The following ATG9A variants were observed in gnomAD, a reference collection of about 807,000 sequenced individuals.
ATG9A encodes autophagy-related protein 9A.
A neutral mutation model predicts 87.1 loss-of-function variants in ATG9A; 21 were observed. The observed-to-expected ratio is 0.24, with a 90% CI of 0.17 to 0.35. The LOEUF is 0.35. ATG9A is among the 10% of genes least tolerant of loss of function. The pLI is 1.00. For synonymous variants in ATG9A, 422 were observed against 441.3 expected, an observed-to-expected ratio of 0.96 and a Z score of 0.55; for missense variants, 836 against 1,107.3, an observed-to-expected ratio of 0.76 and a Z score of 3.48.
At chr2:219,220,715 T>C (rs1267511913) in intron 15 of ATG9A, 32 bp downstream of exon 15, 7 of 1,604,550 alleles carry the variant, frequency 4.4e-6, no homozygotes, top group Non-Finnish European at 5.1e-6. Context: ...TTACTATTTC[T>C]GGCAGTTTTT....
rs769617716 is a variant in ATG9A, at chr2:219,224,278, T to C, written c.1093A>G (p.Met365Val). Reference sequence around the variant, plus strand: ...AAAAGAGGTGACAAGAAGCAATTCATGTACTTGGAGGCGGGCTTGTAGCCA... The same window carrying C: ...AAAAGAGGTGACAAGAAGCAATTCACGTACTTGGAGGCGGGCTTGTAGCCA... ...NRGYKPASKY[M>V]NCFLSPLLTL... The change falls in exon 8 of 16, where the codon ATG (methionine) becomes GTG (valine). Residue 365 changes from methionine to valine, a missense_variant. By Grantham distance (21) the Met-to-Val change is conservative (BLOSUM62 1). Transcript: ENST00000361242. The surrounding 1 kb of genome is among the most constrained non-coding windows in gnomAD (Gnocchi z 7.7). The C allele has an allele frequency of 1.9e-6, 3 of 1,613,902 alleles. No individual in the cohort carries two copies. Among genetic ancestry groups the C allele is most frequent in the Non-Finnish European group, 2.5e-6 (3 of 1,180,048 alleles).
chr2:219,227,581 C>T (rs2106446163), intron 4 of ATG9A, among the ~76,000 whole-genome samples, 189 bp downstream of exon 4: 1 of 152,276 alleles, frequency 6.6e-6, no homozygotes, highest in Non-Finnish European at 1.5e-5. Flanking sequence ...TGGACACAGG[C>T]ACACAGATCT....
At chr2:219,228,096 T>TGCTGCCCATGG in intron 2 of ATG9A, 43 bp from the exon 3 acceptor site, 1 of 1,409,844 alleles carries the variant, frequency 7.1e-7, no homozygotes, top group Non-Finnish European at 9.9e-7. Flanking sequence ...CAGTTCCAGC[T>TGCTGCCCATGG]GCTGCCCATG....
Position 219,222,133 on chromosome 2 carries a change from C to G in ATG9A, c.2062G>C (p.Val688Leu). 6.2e-7 allele frequency: 1 copy of G among 1,614,036 alleles called. No homozygotes were observed. The highest frequency in any genetic ancestry group is 8.5e-7 in the Non-Finnish European group (1 of 1,180,028). ...AGGCTCTGCAGCTGTCCTTCCCACA[C>G]GCTGCTCCCGGAGCTGGCTGTCCTG... ...DARTASSGSSVWEGQLQSLVL... is the reference protein window; with the variant it reads ...DARTASSGSSLWEGQLQSLVL... Residue 688 changes from valine to leucine, a missense_variant, in exon 13 of 16, where the codon GTG (valine) becomes CTG (leucine). Val to Leu is a conservative substitution (Grantham distance 32, BLOSUM62 1). Around this residue, in one of 2 missense-constraint regions of ATG9A, gnomAD observed 324 missense variants for 347.6 expected, o/e 0.93. Transcript: ENST00000361242. The surrounding 1 kb of genome is among the most constrained non-coding windows in gnomAD (Gnocchi z 4.3).
Position 219,227,388 on chromosome 2 carries a change from G to A in ATG9A, c.147+382C>T, listed in dbSNP as rs895967718. On this transcript the variant is annotated intron_variant, in intron 4 of 15. Transcript: ENST00000361242. Reference sequence around the variant, plus strand: ...AAAAAATAGCTGGGCATCGTGGCAGGTGCCTGTAATCCCAGCTACGTGGGA... The same window carrying A: ...AAAAAATAGCTGGGCATCGTGGCAGATGCCTGTAATCCCAGCTACGTGGGA... Among the ~76,000 whole-genome samples, 3 of 152,234 alleles carry A rather than the reference G, an allele frequency of 2.0e-5. No individual in the cohort carries two copies. The East Asian group carries it at 5.8e-4, about 29-fold the overall frequency.
At chr2:219,227,231 G>C (rs1241601799) in intron 4 of ATG9A, among the ~76,000 whole-genome samples, 1 of 152,212 alleles carries the variant, frequency 6.6e-6, no homozygotes, top group Non-Finnish European at 1.5e-5. Flanking sequence ...TCAAAAAGGA[G>C]GCTCGGCTGG....
At chr2:219,228,310 C>T (rs1430110054) in intron 2 of ATG9A, 124 bp downstream of exon 2, 2 of 423,638 alleles carry the variant, frequency 4.7e-6, no homozygotes, top group African/African-American at 4.0e-5. Flanking sequence ...GGGGCTGTTT[C>T]ATCTTCTATT....
Position 219,220,828 on chromosome 2 carries a change from T to C in ATG9A, c.2433A>G (p.Glu811=). Reference sequence around the variant, plus strand: ...GGTGCCTTGATGCCGACTGCCCATCTTCTGCCCACCCTCCAAGAGGCAGCC... The same window carrying C: ...GGTGCCTTGATGCCGACTGCCCATCCTCTGCCCACCCTCCAAGAGGCAGCC... The part of the protein sequence containing the change: ...FSRLPLGGWA[E]DGQSASRHPE... Residue 811 remains glutamate (E), a synonymous_variant, in exon 15 of 16, where the codon GAA becomes GAG. Transcript: ENST00000361242. 6.2e-7 allele frequency: 1 copy of C among 1,613,480 alleles called. No individual in the cohort carries two copies. Among genetic ancestry groups the C allele is most frequent in the Non-Finnish European group, 8.5e-7 (1 of 1,179,980 alleles).
intron 14 of ATG9A, 61 bp from the exon 15 acceptor site, chr2:219,220,953 C>T: frequency 1.9e-6 from 3 of 1,600,140 alleles, no homozygotes; most frequent in East Asian, 4.5e-5. Flanking sequence ...AGGAACAGGG[C>T]TGGGGGGCTG....
At position 219,222,065 on chromosome 2, in the gene ATG9A, G is replaced by A; in HGVS notation, c.2130C>T (p.Ala710=). 1.2e-6 allele frequency: 2 copies of A among 1,613,816 alleles called. No individual in the cohort carries two copies. The highest frequency in any genetic ancestry group is 1.7e-6 in the Non-Finnish European group (2 of 1,179,910). ...GTGCACTCACCTGGTGCATATAGAG[G>A]GCATGCAGGCTCATCTCTGTGGATG... ...EYASTEMSLH[A]LYMHQLHKQQ... Residue 710 remains alanine (A), a synonymous_variant, in exon 13 of 16, where the codon GCC becomes GCT. Transcript: ENST00000361242. The surrounding 1 kb of genome is among the most constrained non-coding windows in gnomAD (Gnocchi z 4.3).
At chr2:219,221,752 G>T (rs548556672) in intron 13 of ATG9A, among the ~76,000 whole-genome samples, 2 of 152,144 alleles carry the variant, frequency 1.3e-5, no homozygotes, top group East Asian at 1.9e-4. Flanking sequence ...TCAGGAGGGT[G>T]GGCAAGGGAG....
chr2:219,224,209 G>C lies in ATG9A; in HGVS notation c.1162C>G (p.Leu388Val). The C allele has an allele frequency of 6.2e-7, 1 of 1,613,870 alleles. No homozygotes were observed. Among genetic ancestry groups the C allele is most frequent in the Non-Finnish European group, 8.5e-7 (1 of 1,180,046 alleles). The change falls in exon 8 of 16, where the codon CTG becomes GTG. Residue 388 changes from leucine (L) to valine (V), a missense_variant. Leu to Val is a conservative substitution (Grantham distance 32). Transcript: ENST00000361242. The surrounding 1 kb of genome is among the most constrained non-coding windows in gnomAD (Gnocchi z 7.7). ...KNGAFFAGSI[L>V]AVLIALTIYD... ...ATGGTGAGGGCAATAAGCACAGCCA[G>C]GATGGAGCCAGCGAAGAAGGCTCCA...
Position 219,224,164 on chromosome 2 carries a change from C to T in ATG9A, c.1207G>A (p.Ala403Thr). The T allele has an allele frequency of 1.2e-6, 2 of 1,613,734 alleles. No homozygotes were observed. Among genetic ancestry groups the T allele is most frequent in the Non-Finnish European group, 1.7e-6 (2 of 1,180,034 alleles). The stretch of plus-strand genomic sequence containing the variant: ...ACGGTGGTCAGCACATGTTCCACAG[C>T]CAACACATCTTCGTCATAAATGGTG... ...ALTIYDEDVLAVEHVLTTVTL... is the reference protein window; with the variant it reads ...ALTIYDEDVLTVEHVLTTVTL... The change falls in exon 8 of 16, where the codon GCT becomes ACT. Residue 403 changes from alanine (A) to threonine (T), a missense_variant. By Grantham distance (58) the Ala-to-Thr change is moderately conservative. This residue lies in a region of ATG9A where 512 missense variants were observed against 759.6 expected (regional missense o/e 0.67). Coordinates refer to ENST00000361242, the MANE Select transcript of ATG9A (RefSeq NM_001077198.3). This position sits in a 1 kb window ranked among gnomAD's most constrained non-coding sequence, Gnocchi z 7.7.
intron 4 of ATG9A, 138 bp downstream of exon 4, chr2:219,227,632 A>G: frequency 2.0e-6 from 2 of 983,862 alleles, no homozygotes; most frequent in South Asian, 1.5e-5. Context: ...TGATTTCACC[A>G]GCCTCTTTCA....
intron 4 of ATG9A, 35 bp downstream of exon 4, chr2:219,227,735 G>A (rs756020417): frequency 5.6e-6 from 9 of 1,609,982 alleles, no homozygotes. Flanking sequence ...GACATTAAAG[G>A]TCCCAGAGCT....
Position 219,222,276 on chromosome 2 carries a change from A to G in ATG9A, c.2023T>C (p.Ser675Pro). 4.3e-6 allele frequency: 7 copies of G among 1,613,420 alleles called. No individual in the cohort carries two copies. Among genetic ancestry groups the G allele is most frequent in the Non-Finnish European group, 5.9e-6 (7 of 1,180,026 alleles). The change falls in exon 12 of 16, where the codon TCT (serine) becomes CCT (proline). Residue 675 changes from serine (S) to proline (P), a missense_variant. By Grantham distance (74) the Ser-to-Pro change is moderately conservative. Transcript: ENST00000361242. The surrounding 1 kb of genome is among the most constrained non-coding windows in gnomAD (Gnocchi z 4.3). ...TCTTGGCCCCGATTTACTCACCCAG[A>G]GCCTGTCATGGTGCTGTGAGCCCGG... ...TGRAHSTMTG[S>P]GVDARTASSG...
chr2:219,223,588 G>C lies in ATG9A; in HGVS notation c.1596C>G (p.Pro532=). The C allele has an allele frequency of 6.2e-7, 1 of 1,602,704 alleles. No homozygotes were observed. Among genetic ancestry groups the C allele is most frequent in the Non-Finnish European group, 8.5e-7 (1 of 1,173,594 alleles). ...TGGCTCCCTCCTCTCCCAGTACCTG[G>C]GGATGACCATGCTGGCGAACATCCA... The part of the protein sequence containing the change: ...AQMDVRQHGH[P]QWLSAGQTEA... Residue 532 remains proline (P), a synonymous_variant, in exon 10 of 16, where the codon CCC becomes CCG. Coordinates refer to ENST00000361242, the MANE Select transcript of ATG9A (RefSeq NM_001077198.3). This position sits in a 1 kb window ranked among gnomAD's most constrained non-coding sequence, Gnocchi z 4.7.
chr2:219,223,546 C>T lies in ATG9A; in HGVS notation c.1599+39G>A, dbSNP rs369192296. 5.8e-6 allele frequency: 9 copies of T among 1,558,710 alleles called. No individual in the cohort carries two copies. Among genetic ancestry groups the T allele is most frequent in the Non-Finnish European group, 7.8e-6 (9 of 1,153,062 alleles). Reference sequence around the variant, plus strand: ...TTCCCAAAGACACTGTATGTTCCAGCATCATCCCAGGCCACCTGGCTCCCT... The same window carrying T: ...TTCCCAAAGACACTGTATGTTCCAGTATCATCCCAGGCCACCTGGCTCCCT... On this transcript the variant is annotated intron_variant, in intron 10 of 15. Coordinates refer to ENST00000361242, the MANE Select transcript of ATG9A (RefSeq NM_001077198.3). This position sits in a 1 kb window ranked among gnomAD's most constrained non-coding sequence, Gnocchi z 4.7.
chr2:219,225,198 C>A lies in ATG9A; in HGVS notation c.389G>T (p.Gly130Val). The A allele has an allele frequency of 1.9e-6, 3 of 1,613,824 alleles. No individual in the cohort carries two copies. Among genetic ancestry groups the A allele is most frequent in the Non-Finnish European group, 2.5e-6 (3 of 1,179,888 alleles). The change falls in exon 7 of 16, where the codon GGC becomes GTC. Residue 130 changes from glycine to valine, a missense_variant. By Grantham distance (109) the Gly-to-Val change is moderately radical. Around this residue, in one of 2 missense-constraint regions of ATG9A, gnomAD observed 512 missense variants for 759.6 expected, o/e 0.67. Transcript: ENST00000361242. ...AATGACCAGGATGGTGATAAGGGAGCCATTTTCCTGAATCCTGGTGGGGAA... is the reference window on the plus strand; with the variant it reads ...AATGACCAGGATGGTGATAAGGGAGACATTTTCCTGAATCCTGGTGGGGAA... ...QVCSARIQEN[G>V]SLITILVIAG...
Sources: gnomAD v4.1 joint callset for allele counts (sites outside exome capture counted in the v4.1 genomes callset) on GRCh38, gnomAD v4.1.1 for gene constraint, gnomAD v4.1.1 regional missense constraint, Gnocchi (gnomAD v3.1) non-coding constraint, MANE v1.5 for transcripts, NCBI Gene and HGNC (gene_info 2026-07-23, HGNC 2026-07-21) for gene names.